The following OCRL variants were observed in gnomAD, a reference collection of about 807,000 sequenced individuals.
OCRL encodes the protein OCRL inositol polyphosphate-5-phosphatase.
In OCRL, 8 loss-of-function variants were observed where a neutral mutation model predicts 78.9. The observed-to-expected ratio is 0.10, with a 90% confidence interval of 0.06 to 0.18. The LOEUF (loss-of-function observed/expected upper bound fraction) is 0.18. Among genes scored for constraint, OCRL ranks in the 10% least tolerant of loss-of-function variants. The probability of loss-of-function intolerance (pLI) is 1.00; values close to 1 mark genes in which losing one functional copy is unlikely to be tolerated. For synonymous variants in OCRL, 240 were observed against 235.4 expected (o/e 1.02, Z -0.18); for missense variants, 454 against 696.7 (o/e 0.65, Z 3.92).
At chrX:129,586,087 C>CAG (rs1936509179) in intron 19 of OCRL, among the ~76,000 whole-genome samples, 2 of 111,598 alleles carry the variant, frequency 1.8e-5, no homozygotes, top group Non-Finnish European at 3.8e-5. Flanking sequence ...GGTGCCTTTA[C>CAG]TATTTCAAAC....
rs1936142346 is a variant in OCRL, at chrX:129,561,339, C to G, written c.939+46C>G. ...TTTTTAAGTGTATGACTAAATAGGGCTCACCGGGAGTTATTCCATTATCTA... is the reference window on the plus strand; with the variant it reads ...TTTTTAAGTGTATGACTAAATAGGGGTCACCGGGAGTTATTCCATTATCTA... On this transcript the variant is annotated intron_variant, in intron 10 of 23. Coordinates refer to ENST00000371113, the MANE Select transcript of OCRL (RefSeq NM_000276.4). The G allele has an allele frequency of 6.4e-6, 5 of 779,268 alleles. No homozygotes were observed. The African/African-American group carries it at 1.0e-4, about 16-fold the overall frequency. The allele number at this position is 779,268 out of a possible 1,213,427, so 64.2% of individuals were successfully genotyped here.
chrX:129,562,539 T>G, intron 11 of OCRL, 39 bp downstream of exon 11: 1 of 1,190,473 alleles, frequency 8.4e-7, no homozygotes, highest in Non-Finnish European at 1.1e-6. Context: ...ATTATTCATG[T>G]TCATGTAAAG....
intron 12 of OCRL, among the ~76,000 whole-genome samples, chrX:129,564,506 T>A (rs764472070): frequency 0.032 from 3,540 of 110,318 alleles, 56 homozygotes; most frequent in Non-Finnish European, 0.049. Flanking sequence ...ATTAAGAAAA[T>A]GTGGCACATA....
rs761645724 is a variant in OCRL at position 129,575,193 on chromosome X, C to T, written c.1656C>T (p.Arg552=). 5.5e-5 allele frequency: 67 copies of T among 1,209,901 alleles called. No individual in the cohort carries two copies. Among genetic ancestry groups the T allele is most frequent in the Non-Finnish European group, 7.4e-5 (66 of 893,706 alleles). The change falls in exon 16 of 24, where the codon CGC becomes CGT. Residue 552 remains arginine, a synonymous_variant. Coordinates refer to ENST00000371113, the MANE Select transcript of OCRL (RefSeq NM_000276.4). ...RYRKVFEDSV[R]IMDRMENDFL... ...GGAAAGTCTTTGAAGATAGTGTACG[C>T]ATCATGGACAGAATGGAAAATGACT...
At chrX:129,568,404 G>T (rs72614122) in intron 14 of OCRL, among the ~76,000 whole-genome samples, 3,560 of 110,952 alleles carry the variant, frequency 0.032, 137 homozygotes, top group East Asian at 0.22. Context: ...GAATCCCCAC[G>T]CATGTTCAGC....
chrX:129,557,689 C>T (rs1411404212), intron 5 of OCRL, among the ~76,000 whole-genome samples, 172 bp from the exon 6 acceptor site: 2 of 111,786 alleles, frequency 1.8e-5, no homozygotes, highest in African/African-American at 3.3e-5. Context: ...AATTCTCCTT[C>T]TGCCCCTAGA....
chrX:129,571,093 T>A (rs1936292828), intron 15 of OCRL, among the ~76,000 whole-genome samples: 1 of 112,266 alleles, frequency 8.9e-6, no homozygotes, highest in Non-Finnish European at 1.9e-5. Flanking sequence ...CCCAACTCTG[T>A]GCTCTTTCTA....
chrX:129,554,948 A>AAAATAAATAAAT (rs765929333), intron 4 of OCRL, among the ~76,000 whole-genome samples: 457 of 84,652 alleles, frequency 5.4e-3, no homozygotes, highest in Non-Finnish European at 7.8e-3. Flanking sequence ...ACTCCTTCTC[A>AAAATAAATAAAT]AAATAAATAA....
In OCRL at chrX:129,548,947, G is replaced by A. The variant is rs1330713296; in HGVS notation, c.238+346G>A. Among the ~76,000 whole-genome samples the A allele has an allele frequency of 2.7e-5, 3 of 111,522 alleles. No individual in the cohort carries two copies. The East Asian group carries it at 8.4e-4, about 31-fold the overall frequency. On this transcript the variant is annotated intron_variant, in intron 4 of 23. Transcript: ENST00000371113. ...TTTAAAGCACATAAGGTTTATTGGT[G>A]GAGTTTTTTTGGTCATTTTTTAACT... is the stretch of plus-strand genomic sequence containing the variant.
At chrX:129,541,100 G>T in intron 2 of OCRL, among the ~76,000 whole-genome samples, 1 of 112,313 alleles carries the variant, frequency 8.9e-6, no homozygotes, top group Non-Finnish European at 1.9e-5. Context: ...GACATGTGTT[G>T]TGTAACGTTG....
Position 129,589,948 on chromosome X carries a change from A to G in OCRL, c.2573A>G (p.Asn858Ser), listed in dbSNP as rs1251068924. 1.7e-6 allele frequency: 2 copies of G among 1,196,595 alleles called. No homozygotes were observed. Among genetic ancestry groups the G allele is most frequent in the South Asian group, 3.5e-5 (2 of 56,601 alleles). The part of the protein sequence containing the change: ...KFSEYNSVNA[N>S]MIATLFTSLL... ...TCTGAATACAATAGCGTCAATGCCAACATGATCGGTAAGAGTGCTTCATGC... is the reference window on the plus strand; with the variant it reads ...TCTGAATACAATAGCGTCAATGCCAGCATGATCGGTAAGAGTGCTTCATGC... The change falls in exon 23 of 24, where the codon AAC (asparagine) becomes AGC (serine). Residue 858 changes from asparagine (N) to serine (S), a missense_variant. Asn to Ser is a conservative substitution (Grantham distance 46). Coordinates refer to ENST00000371113, the MANE Select transcript of OCRL (RefSeq NM_000276.4).
intron 20 of OCRL, 104 bp from the exon 21 acceptor site, chrX:129,588,075 C>T (rs1018690970): frequency 9.9e-5 from 59 of 593,763 alleles, no homozygotes; most frequent in Non-Finnish European, 1.6e-4. Context: ...ACACACATAC[C>T]ACCCTTCCCT....
At chrX:129,580,824 C>T (rs1936429311) in intron 18 of OCRL, among the ~76,000 whole-genome samples, 1 of 112,053 alleles carries the variant, frequency 8.9e-6, no homozygotes, top group African/African-American at 3.2e-5. Flanking sequence ...TTCATATGAA[C>T]TAATCCTTTT....
chrX:129,590,122 G>A (rs761742066), intron 23 of OCRL, 24 bp from the exon 24 acceptor site: 21 of 1,209,611 alleles, frequency 1.7e-5, no homozygotes, highest in South Asian at 1.6e-4. Context: ...AGAAGTTTCC[G>A]CTTGTCTTTC....
chrX:129,545,411 C>T (rs1935865898), intron 3 of OCRL, among the ~76,000 whole-genome samples: 1 of 112,399 alleles, frequency 8.9e-6, no homozygotes, highest in African/African-American at 3.2e-5. Context: ...ACACATTCAG[C>T]ACTTTCTCCA....
At chrX:129,571,313 C>A (rs1259408983) in intron 15 of OCRL, among the ~76,000 whole-genome samples, 10 of 102,216 alleles carry the variant, frequency 9.8e-5, no homozygotes, top group Admixed American at 5.2e-4. Context: ...GTTTACATTT[C>A]TTTTCAAAAC....
chrX:129,561,403 CTG>C (rs1230419108), intron 10 of OCRL, 110 bp downstream of exon 10: 1 of 539,536 alleles, frequency 1.9e-6, no homozygotes, highest in African/African-American at 2.3e-5. Context: ...GAATTCTTCT[CTG>C]TGTGTAATAC....
At chrX:129,567,693 G>C (rs758804296) in intron 14 of OCRL, among the ~76,000 whole-genome samples, 57 of 108,139 alleles carry the variant, frequency 5.3e-4, no homozygotes, top group African/African-American at 1.9e-3. Context: ...CCTATTACCT[G>C]TTCTGGCTAT....
chrX:129,584,197 A>C (rs1479420221), intron 18 of OCRL, 147 bp from the exon 19 acceptor site: 7 of 497,533 alleles, frequency 1.4e-5, no homozygotes, highest in Middle Eastern at 4.5e-4. Flanking sequence ...TTCAACAATC[A>C]TAATTTATTT....
Sources: allele counts gnomAD v4.1 joint callset (sites outside exome capture counted in the v4.1 genomes callset), GRCh38; gene constraint gnomAD v4.1.1; transcripts MANE v1.5; gene names NCBI Gene and HGNC (gene_info 2026-07-23, HGNC 2026-07-21).